The following MACF1 variants were observed in gnomAD, a reference collection of about 807,000 sequenced individuals.
MACF1 encodes the protein microtubule actin crosslinking factor 1.
MACF1 carries 193 observed loss-of-function variants against 854.8 expected under a neutral mutation model. The ratio of observed to expected loss-of-function variants is 0.23; its 90% CI spans 0.20 to 0.25. The LOEUF (loss-of-function observed/expected upper bound fraction) is 0.25. Ranked by LOEUF, MACF1 falls within the 10% of genes least tolerant of loss-of-function variation. The pLI is 1.00. For missense variants in MACF1, 7,722 were observed against 8,929.1 expected (o/e 0.86, Z 5.45); for synonymous variants, 3,185 against 3,226.7 (o/e 0.99, Z 0.44).
upstream of MACF1, among the ~76,000 whole-genome samples, chr1:39,202,586 G>C (rs1036241566): frequency 1.3e-5 from 2 of 151,462 alleles, no homozygotes; most frequent in Non-Finnish European, 2.9e-5. Flanking sequence ...AGTGAGCCAA[G>C]ATCATGCCAC....
chr1:39,344,362 G>A (rs1245329576), intron 40 of MACF1, among the ~76,000 whole-genome samples: 6 of 151,674 alleles, frequency 4.0e-5, no homozygotes, highest in Middle Eastern at 3.2e-3. Context: ...AACCCGGGAG[G>A]TGGAGATTGC....
chr1:39,335,828 C>T lies in MACF1; in HGVS notation c.9240C>T (p.Cys3080=). The T allele has an allele frequency of 6.2e-7, 1 of 1,614,150 alleles. No homozygotes were observed. Among genetic ancestry groups the T allele is most frequent in the Non-Finnish European group, 8.5e-7 (1 of 1,180,006 alleles). Residue 3080 remains cysteine (C), a synonymous_variant, in exon 37 of 101, where the codon TGC becomes TGT. Transcript: ENST00000564288. ...GAAAAGTAAACAATTTAAGTCTCTG[C>T]TTGACTTTAAAACCAGAAGAAAACT... ...NEGKVNNLSL[C]LTLKPEENLS...
chr1:39,448,180 C>G, intron 83 of MACF1, 28 bp downstream of exon 83: 1 of 1,595,372 alleles, frequency 6.3e-7, no homozygotes, highest in Non-Finnish European at 8.5e-7. Flanking sequence ...TCTTAGGTCC[C>G]AAGCCATAGT....
rs145639560 is a variant in MACF1, at chr1:39,271,369, C to T, written c.529-10839C>T. On this transcript the variant is annotated intron_variant, in intron 6 of 100. Coordinates refer to ENST00000564288, the MANE Select transcript of MACF1 (RefSeq NM_001394062.1). ...GATGTGCCACACACTTTTAAATGAC[C>T]GAATCTCATGAAAACCCACCTACCC... Among the ~76,000 whole-genome samples, 370 of 152,054 alleles carry T rather than the reference C, an allele frequency of 2.4e-3. 2 individuals are homozygous for T. The highest frequency in any genetic ancestry group is 8.0e-3 in the Admixed American group (122 of 15,276).
intron 51 of MACF1, among the ~76,000 whole-genome samples, chr1:39,372,075 T>G (rs1254526974): frequency 6.6e-6 from 1 of 152,102 alleles, no homozygotes; most frequent in Non-Finnish European, 1.5e-5. Context: ...CGCCTCAGCC[T>G]CCCAAAGTGC....
intron 69 of MACF1, among the ~76,000 whole-genome samples, chr1:39,435,081 T>C (rs979041137): frequency 5.9e-5 from 9 of 152,216 alleles, no homozygotes; most frequent in African/African-American, 2.2e-4. Context: ...ATTGCTATTC[T>C]TATAAGTGGA....
chr1:39,287,702 T>C (rs1357368552), intron 15 of MACF1, 140 bp downstream of exon 15: 1 of 951,310 alleles, frequency 1.1e-6, no homozygotes, highest in African/African-American at 1.7e-5. Context: ...TGATGGGGTC[T>C]TGCTATGTTG....
intron 88 of MACF1, among the ~76,000 whole-genome samples, chr1:39,454,173 G>A (rs1009976401): frequency 2.0e-5 from 3 of 152,110 alleles, no homozygotes; most frequent in East Asian, 1.9e-4. Context: ...ACTTATATGC[G>A]GTTATTGTTC....
At chr1:39,313,129 C>A (rs546590674) in intron 26 of MACF1, among the ~76,000 whole-genome samples, 1 of 152,030 alleles carries the variant, frequency 6.6e-6, no homozygotes, top group Non-Finnish European at 1.5e-5. Context: ...ATATTTTGTC[C>A]TTCTGTTTGT....
intron 2 of MACF1, among the ~76,000 whole-genome samples, chr1:39,153,308 T>TG (rs1369584993): frequency 6.6e-6 from 1 of 152,192 alleles, no homozygotes; most frequent in East Asian, 1.9e-4. Flanking sequence ...TAGTCTCAGG[T>TG]GGGGCTAGAA....
chr1:39,423,590 G>C (rs566710869), intron 60 of MACF1, among the ~76,000 whole-genome samples: 1 of 143,878 alleles, frequency 7.0e-6, no homozygotes, highest in African/African-American at 2.6e-5. Flanking sequence ...AGCCGAGATC[G>C]AGCCAGTGCA....
chr1:39,318,358 C>T (rs1646453121), intron 29 of MACF1, 95 bp from the exon 30 acceptor site: 1 of 1,148,176 alleles, frequency 8.7e-7, no homozygotes, highest in Admixed American at 2.0e-5. Flanking sequence ...GTGGTCAAGC[C>T]CAGCTGGATA....
intron 2 of MACF1, among the ~76,000 whole-genome samples, chr1:39,136,355 T>C (rs1204637521): frequency 6.6e-6 from 1 of 152,218 alleles, no homozygotes; most frequent in African/African-American, 2.4e-5. Flanking sequence ...GAGCCTAGCT[T>C]CTGTGTCCTG....
intron 2 of MACF1, among the ~76,000 whole-genome samples, chr1:39,109,802 G>A (rs766749088): frequency 1.3e-5 from 2 of 152,160 alleles, no homozygotes; most frequent in African/African-American, 4.8e-5. Context: ...TCACAGAAGG[G>A]AGTTTTAAAA....
chr1:39,147,475 C>G (rs1308077954), intron 2 of MACF1, among the ~76,000 whole-genome samples: 2 of 141,850 alleles, frequency 1.4e-5, no homozygotes, highest in East Asian at 2.0e-4. Context: ...CTTTTTTCCC[C>G]TCCCTTCCTT....
At chr1:39,145,429 T>C (rs925607161) in intron 2 of MACF1, among the ~76,000 whole-genome samples, 3 of 152,222 alleles carry the variant, frequency 2.0e-5, no homozygotes. Flanking sequence ...CCTCCCTTCC[T>C]AGTGACTCTT....
intron 58 of MACF1, among the ~76,000 whole-genome samples, chr1:39,408,329 A>G (rs2148606024): frequency 6.6e-6 from 1 of 152,304 alleles, no homozygotes; most frequent in East Asian, 1.9e-4. Context: ...GAGTTATCCA[A>G]TAACTTTGGT....
rs572634938 is a variant in MACF1, at chr1:39,474,480, G to A, written c.21958+4865G>A. Among the ~76,000 whole-genome samples, 48 of 152,200 alleles carry A rather than the reference G, an allele frequency of 3.2e-4. No homozygotes were observed. In the South Asian group the frequency reaches 3.5e-3, roughly 11 times the overall value. On this transcript the variant is annotated intron_variant, in intron 97 of 100. Transcript: ENST00000564288. The stretch of plus-strand genomic sequence containing the variant: ...GGAGGCTGAGCCGGGCGGATCACCC[G>A]AGGTCAGGAGTTCAAGACCAGCCTG...
chr1:39,321,992 T>C (rs747253252), intron 31 of MACF1, among the ~76,000 whole-genome samples: 2 of 152,188 alleles, frequency 1.3e-5, no homozygotes, highest in Non-Finnish European at 2.9e-5. Context: ...GGCTACTTCA[T>C]GTGAGAGAAG....
Sources: allele counts gnomAD v4.1 joint callset (sites outside exome capture counted in the v4.1 genomes callset), GRCh38; gene constraint gnomAD v4.1.1; transcripts MANE v1.5; gene names NCBI Gene and HGNC (gene_info 2026-07-23, HGNC 2026-07-21).